Variants in KLHL20 observed in about 807,000 individuals in gnomAD.
The protein encoded by KLHL20 is kelch like family member 20.
KLHL20 carries 29 observed loss-of-function variants against 69.5 expected under a neutral mutation model. That is an observed-to-expected ratio of 0.42 (90% CI 0.31 to 0.57). The LOEUF (loss-of-function observed/expected upper bound fraction) is 0.57, where lower values mean the gene tolerates loss of function less well. Among genes scored for constraint, KLHL20 ranks in the 20% least tolerant of loss-of-function variants. The pLI is 0.18. For synonymous variants in KLHL20, 253 were observed against 265.2 expected (o/e 0.95, Z 0.45); for missense variants, 419 against 776.0 (o/e 0.54, Z 5.47).
rs776984101 is a variant in KLHL20 at position 173,755,929 on chromosome 1, G to A, written c.858G>A (p.Leu286=). 1 of 1,610,264 alleles carries A rather than the reference G, an allele frequency of 6.2e-7. No homozygotes were observed. Among genetic ancestry groups the A allele is most frequent in the Non-Finnish European group, 8.5e-7 (1 of 1,176,944 alleles). Reference sequence around the variant, plus strand: ...GGCAGAATTTTTTCTACAGAGACTTGGTAGATGAGGCTAAAAACTACCTCC... The same window carrying A: ...GGCAGAATTTTTTCTACAGAGACTTAGTAGATGAGGCTAAAAACTACCTCC... The part of the protein sequence containing the change: ...LIKSDEECRD[L]VDEAKNYLLL... Residue 286 remains leucine (L), a synonymous_variant, in exon 6 of 12, where the codon TTG becomes TTA. Transcript: ENST00000209884.
intron 5 of KLHL20, 121 bp from the exon 6 acceptor site, chr1:173,755,802 C>T: frequency 8.2e-6 from 5 of 612,372 alleles, no homozygotes; most frequent in South Asian, 2.0e-5. Context: ...GGCTGGCATT[C>T]ATGATTTGGT....
chr1:173,775,831 C>T lies in KLHL20; in HGVS notation c.1627C>T (p.Arg543Cys), dbSNP rs757038033. ...GTCTCCAGTGGTGGCCATGACATCA[C>T]GCCGTAGTGGAGTAAGTGGTTATGG... ...QWSPVVAMTS[R>C]RSGVGLAVVN... The change falls in exon 10 of 12, where the codon CGC becomes TGC. Residue 543 changes from arginine to cysteine, a missense_variant. Coordinates refer to ENST00000209884, the MANE Select transcript of KLHL20 (RefSeq NM_014458.4). 4 of 1,614,116 alleles carry T rather than the reference C, an allele frequency of 2.5e-6. No individual in the cohort carries two copies. The highest frequency in any genetic ancestry group is 3.4e-6 in the Non-Finnish European group (4 of 1,179,976).
rs771150851 is a variant in KLHL20 at position 173,756,019 on chromosome 1, T to C, written c.948T>C (p.Cys316=). The C allele has an allele frequency of 3.7e-6, 6 of 1,613,450 alleles. No individual in the cohort carries two copies. The highest frequency in any genetic ancestry group is 4.2e-6 in the Non-Finnish European group (5 of 1,179,450). ...PRTRPRKPIR[C]GEVLFAVGGW... is the part of the protein sequence containing the mutation. ...CGAGACCACGGAAACCTATCCGATGTGGGGAAGTACTCTTTGCAGGTTTGG... is the reference window on the plus strand; with the variant it reads ...CGAGACCACGGAAACCTATCCGATGCGGGGAAGTACTCTTTGCAGGTTTGG... The change falls in exon 6 of 12, where the codon TGT becomes TGC. Residue 316 remains cysteine (C), a synonymous_variant. Transcript: ENST00000209884.
At chr1:173,745,268 T>G (rs1413662393) in intron 3 of KLHL20, among the ~76,000 whole-genome samples, 1 of 147,030 alleles carries the variant, frequency 6.8e-6, no homozygotes, top group Non-Finnish European at 1.5e-5. Context: ...GTTCAAGCAA[T>G]TCTCCTGCCT....
intron 2 of KLHL20, among the ~76,000 whole-genome samples, chr1:173,716,308 TC>T (rs1432887057): frequency 6.6e-6 from 1 of 152,188 alleles, no homozygotes; most frequent in Non-Finnish European, 1.5e-5. Context: ...TTTCCTTTTT[TC>T]ATGTTTTTTA....
rs576354285 is a variant in KLHL20 at position 173,785,495 on chromosome 1, C to T, written c.*248C>T. 16 of 229,012 alleles carry T rather than the reference C, an allele frequency of 7.0e-5. No individual in the cohort carries two copies. In the East Asian group the frequency reaches 1.4e-3, roughly 20 times the overall value. The allele number at this position is 229,012 out of a possible 1,614,324, so 14.2% of individuals were successfully genotyped here. A position where few individuals can be genotyped will look rare whatever the true frequency, so the allele number is the denominator to read the frequency against. ...TTTGTTGTTTTCGTTTTGAACTTAT[C>T]CTTCCTCCCACAAAAAAAGAAAAGA... On this transcript the variant is annotated 3_prime_UTR_variant, in exon 12 of 12. Transcript: ENST00000209884.
At chr1:173,747,716 C>G (rs1420195252) in intron 3 of KLHL20, among the ~76,000 whole-genome samples, 1 of 151,848 alleles carries the variant, frequency 6.6e-6, no homozygotes, top group Non-Finnish European at 1.5e-5. Context: ...GTTATATTTA[C>G]TGTATTTCTT....
At chr1:173,766,098 A>G (rs1255431378) in intron 7 of KLHL20, 48 bp from the exon 8 acceptor site, 2 of 1,442,632 alleles carry the variant, frequency 1.4e-6, no homozygotes, top group East Asian at 2.6e-5. Context: ...AACATAGCCA[A>G]GCTTCCTTTG....
At chr1:173,720,462 C>G (rs1671666960) in intron 2 of KLHL20, among the ~76,000 whole-genome samples, 1 of 152,040 alleles carries the variant, frequency 6.6e-6, no homozygotes, top group Non-Finnish European at 1.5e-5. Context: ...GAGGCTACAA[C>G]AGTGGGAAAG....
intron 2 of KLHL20, among the ~76,000 whole-genome samples, chr1:173,733,125 TTC>T (rs1672364998): frequency 6.6e-6 from 1 of 151,148 alleles, no homozygotes; most frequent in Non-Finnish European, 1.5e-5. Flanking sequence ...GTTCAAGTGA[TTC>T]TCATGCTTCA....
At position 173,774,365 on chromosome 1, in the gene KLHL20, T is replaced by C; in HGVS notation, c.1356T>C (p.Gly452=). ...CTTCTATGAGTACCAGAAGACTAGG[T>C]GTGGCTGTGGCTGTGTTAGGAGGGT... is the stretch of plus-strand genomic sequence containing the variant. The part of the protein sequence containing the change: ...RVASMSTRRL[G]VAVAVLGGFL... Residue 452 remains glycine (G), a synonymous_variant, in exon 9 of 12, where the codon GGT becomes GGC. Coordinates refer to ENST00000209884, the MANE Select transcript of KLHL20 (RefSeq NM_014458.4). 6.2e-7 allele frequency: 1 copy of C among 1,614,032 alleles called. No individual in the cohort carries two copies. Among genetic ancestry groups the C allele is most frequent in the Non-Finnish European group, 8.5e-7 (1 of 1,180,000 alleles).
In KLHL20 at chr1:173,785,465, G is replaced by A; in HGVS notation, c.*218G>A. On this transcript the variant is annotated 3_prime_UTR_variant, in exon 12 of 12. Coordinates refer to ENST00000209884, the MANE Select transcript of KLHL20 (RefSeq NM_014458.4). ...TTTATTTTTGGTTTTAATTTATCAT[G>A]GTTTTTTGTTGTTTTCGTTTTGAAC... 7.1e-6 allele frequency: 2 copies of A among 283,254 alleles called. No individual in the cohort carries two copies. Among genetic ancestry groups the A allele is most frequent in the East Asian group, 6.1e-5 (1 of 16,354 alleles). The allele number at this position is 283,254 out of a possible 1,614,324, so 17.5% of individuals were successfully genotyped here.
Position 173,782,219 on chromosome 1 carries a change from C to T in KLHL20, c.1734C>T (p.Ala578=), listed in dbSNP as rs184090820. 344 of 1,612,148 alleles carry T rather than the reference C, an allele frequency of 2.1e-4. 1 individual carries two copies. In the East Asian group the frequency reaches 7.5e-3, roughly 35 times the overall value. The stretch of plus-strand genomic sequence containing the variant: ...CCATAGAAGTTTTTGATCCTGATGC[C>T]AATACATGGAGGTAACTTTTAAGCT... ...LKTIEVFDPD[A]NTWRLYGGMN... Residue 578 remains alanine (A), a synonymous_variant, in exon 11 of 12, where the codon GCC becomes GCT. Coordinates refer to ENST00000209884, the MANE Select transcript of KLHL20 (RefSeq NM_014458.4).
chr1:173,748,970 G>A (rs1673193129), intron 3 of KLHL20, among the ~76,000 whole-genome samples: 1 of 152,008 alleles, frequency 6.6e-6, no homozygotes, highest in South Asian at 2.1e-4. Context: ...TGATAGTAGA[G>A]AAAGTTCTGA....
At chr1:173,721,021 CA>C (rs1671690786) in intron 2 of KLHL20, among the ~76,000 whole-genome samples, 1 of 151,834 alleles carries the variant, frequency 6.6e-6, no homozygotes, top group Admixed American at 6.6e-5. Flanking sequence ...AAGCTGTAGG[CA>C]TAAGTGATGG....
At chr1:173,724,286 T>A (rs796571339) in intron 2 of KLHL20, among the ~76,000 whole-genome samples, 14 of 152,130 alleles carry the variant, frequency 9.2e-5, no homozygotes, top group African/African-American at 2.9e-4. Flanking sequence ...ATTACAGGCA[T>A]GAGCCACTAG....
rs777964032 is a variant in KLHL20, at chr1:173,774,366, G to T, written c.1357G>T (p.Val453Leu). 1 of 1,614,140 alleles carries T rather than the reference G, an allele frequency of 6.2e-7. No homozygotes were observed. Among genetic ancestry groups the T allele is most frequent in the Non-Finnish European group, 8.5e-7 (1 of 1,180,006 alleles). ...VASMSTRRLGVAVAVLGGFLY... is the reference protein window; with the variant it reads ...VASMSTRRLGLAVAVLGGFLY... ...TTCTATGAGTACCAGAAGACTAGGT[G>T]TGGCTGTGGCTGTGTTAGGAGGGTT... The change falls in exon 9 of 12, where the codon GTG (valine) becomes TTG (leucine). Residue 453 changes from valine to leucine, a missense_variant. Physicochemically the swap from Val to Leu is conservative, Grantham distance 32. Around this residue, in one of 6 missense-constraint regions of KLHL20, gnomAD observed 56 missense variants for 75.9 expected, o/e 0.74. Transcript: ENST00000209884.
At chr1:173,783,421 CA>C (rs1286811878) in intron 11 of KLHL20, among the ~76,000 whole-genome samples, 1 of 152,208 alleles carries the variant, frequency 6.6e-6, no homozygotes, top group Non-Finnish European at 1.5e-5. Context: ...AGGAAAGCCA[CA>C]ACTCTCACAG....
intron 3 of KLHL20, among the ~76,000 whole-genome samples, 155 bp from the exon 4 acceptor site, chr1:173,751,609 C>A (rs547779483): frequency 1.3e-5 from 2 of 152,052 alleles, no homozygotes; most frequent in African/African-American, 4.8e-5. Context: ...CTGTACCTTC[C>A]TTTGTTCTCT....
Sources: gnomAD v4.1 joint callset for allele counts (sites outside exome capture counted in the v4.1 genomes callset) on GRCh38, gnomAD v4.1.1 for gene constraint, gnomAD v4.1.1 regional missense constraint, MANE v1.5 for transcripts, NCBI Gene and HGNC (gene_info 2026-07-23, HGNC 2026-07-21) for gene names.